The following PEX5L variants were observed in gnomAD, a reference collection of about 807,000 sequenced individuals.
The protein encoded by PEX5L is peroxisomal biogenesis factor 5 like.
In PEX5L, 30 loss-of-function variants were observed where a neutral mutation model predicts 84.0. The observed-to-expected ratio is 0.36, with a 90% CI of 0.27 to 0.48. The LOEUF is 0.48. PEX5L is among the 20% of genes least tolerant of loss of function. The pLI is 0.99. For missense variants in PEX5L, 533 were observed against 754.6 expected, an observed-to-expected ratio of 0.71 and a Z score of 3.44; for synonymous variants, 270 against 283.1, an observed-to-expected ratio of 0.95 and a Z score of 0.46.
chr3:179,875,551 G>GGTGA (rs1198365979), intron 5 of PEX5L, 74 bp from the exon 6 acceptor site: 3 of 995,282 alleles, frequency 3.0e-6, no homozygotes, highest in Non-Finnish European at 4.7e-6. Context: ...CGGGGAGTGG[G>GGTGA]GTGAGGGTGG....
At chr3:179,849,688 A>T (rs1181902299) in intron 8 of PEX5L, among the ~76,000 whole-genome samples, 1 of 152,232 alleles carries the variant, frequency 6.6e-6, no homozygotes, top group African/African-American at 2.4e-5. Flanking sequence ...TGGACATGCC[A>T]ATGGACAAAC....
chr3:179,927,744 C>T lies in PEX5L; in HGVS notation c.94-29498G>A, dbSNP rs570240501. 3.9e-5 allele frequency among the ~76,000 whole-genome samples: 6 copies of T among 152,212 alleles called. No individual in the cohort carries two copies. In the South Asian group the frequency reaches 8.3e-4, roughly 21 times the overall value. Reference sequence around the variant, plus strand: ...CCAAACAAAACCTGCCCTTCACCATCGTTTGTGTAACCTTGCAAGCTAAGT... The same window carrying T: ...CCAAACAAAACCTGCCCTTCACCATTGTTTGTGTAACCTTGCAAGCTAAGT... On this transcript the variant is annotated intron_variant, in intron 2 of 14. Transcript: ENST00000467460.
intron 1 of PEX5L, among the ~76,000 whole-genome samples, chr3:179,997,899 T>C (rs1788041028): frequency 6.6e-6 from 1 of 152,232 alleles, no homozygotes; most frequent in South Asian, 2.1e-4. Flanking sequence ...TTGTCCTACC[T>C]CAGGGGTATA....
At chr3:179,880,732 C>T (rs1384180072) in intron 4 of PEX5L, among the ~76,000 whole-genome samples, 2 of 152,210 alleles carry the variant, frequency 1.3e-5, no homozygotes, top group Admixed American at 6.5e-5. Context: ...ATGTAACTAA[C>T]TATAAAACTG....
At chr3:180,029,123 T>C (rs1791219025) in intron 1 of PEX5L, among the ~76,000 whole-genome samples, 1 of 152,114 alleles carries the variant, frequency 6.6e-6, no homozygotes, top group Admixed American at 6.5e-5. Context: ...AATGCTTGAG[T>C]GCACTGTTTA....
intron 2 of PEX5L, among the ~76,000 whole-genome samples, chr3:179,959,740 A>G (rs1299106985): frequency 6.6e-6 from 1 of 152,166 alleles, no homozygotes; most frequent in Non-Finnish European, 1.5e-5. Flanking sequence ...CTCACCCCGA[A>G]CACTGAGGCT....
Position 179,795,173 on chromosome 3 carries a change from T to C in PEX5L, c.*6655A>G, listed in dbSNP as rs1716439404. The C allele has an allele frequency of 6.6e-6, 1 of 152,192 alleles. No homozygotes were observed. The highest frequency in any genetic ancestry group is 2.4e-5 in the African/African-American group (1 of 41,452). The allele number at this position is 152,192 out of a possible 1,614,324, so 9.4% of individuals were successfully genotyped here. A position where few individuals can be genotyped will look rare whatever the true frequency, so the allele number is the denominator to read the frequency against. On this transcript the variant is annotated 3_prime_UTR_variant, in exon 15 of 15. Transcript: ENST00000467460. ...CCTTTAGCCAGTAGTACAAATTGGA[T>C]TCCATTTGATCAGAAGGAGTTCTGA...
intron 7 of PEX5L, among the ~76,000 whole-genome samples, chr3:179,869,562 T>C (rs1749560024): frequency 6.6e-6 from 1 of 152,130 alleles, no homozygotes; most frequent in African/African-American, 2.4e-5. Context: ...ACGTGCCGGG[T>C]ACTTTGAACT....
chr3:179,871,055 G>GT (rs1252997740), intron 7 of PEX5L, among the ~76,000 whole-genome samples: 1 of 149,930 alleles, frequency 6.7e-6, no homozygotes, highest in Non-Finnish European at 1.5e-5. Flanking sequence ...GCTTGAGAGA[G>GT]AAGAAAACAT....
intron 1 of PEX5L, among the ~76,000 whole-genome samples, chr3:179,995,779 G>C (rs68185071): frequency 0.17 from 25,538 of 152,078 alleles, 2,956 homozygotes; most frequent in African/African-American, 0.33. Context: ...AAGCTCTTAT[G>C]AAGCAAGTGG....
rs58655162 is a variant in PEX5L at position 179,875,521 on chromosome 3, C to T, written c.506-44G>A. On this transcript the variant is annotated intron_variant, in intron 5 of 14. Coordinates refer to ENST00000467460, the MANE Select transcript of PEX5L (RefSeq NM_016559.3). The stretch of plus-strand genomic sequence containing the variant: ...GCAGGTGAGGCAGGTGGCGGCAGGG[C>T]GGGGTAGGGGGAGCGGTGGCGGGGA... The T allele has an allele frequency of 1.1e-3, 814 of 756,368 alleles. 7 individuals are homozygous for T. The African/African-American group carries it at 0.015, about 14-fold the overall frequency. 46.9% of individuals were successfully genotyped at this position (756,368 alleles called of 1,614,324 possible).
intron 7 of PEX5L, among the ~76,000 whole-genome samples, chr3:179,860,114 A>T (rs1040017910): frequency 5.9e-5 from 8 of 135,990 alleles, no homozygotes; most frequent in Admixed American, 4.9e-4. Flanking sequence ...GAGAGTTTCC[A>T]TTTTTGTTTT....
At chr3:179,996,437 C>A (rs1487242715) in intron 1 of PEX5L, among the ~76,000 whole-genome samples, 1 of 152,076 alleles carries the variant, frequency 6.6e-6, no homozygotes, top group East Asian at 1.9e-4. Context: ...GCTTGGTTAG[C>A]TGAAATATGG....
chr3:179,907,486 A>AT (rs1052860668), intron 2 of PEX5L, among the ~76,000 whole-genome samples: 3 of 151,350 alleles, frequency 2.0e-5, no homozygotes, highest in Non-Finnish European at 2.9e-5. Context: ...CTAATTTTTA[A>AT]TTTTTTTGGT....
At chr3:179,843,789 G>T (rs1738191848) in intron 8 of PEX5L, among the ~76,000 whole-genome samples, 1 of 152,158 alleles carries the variant, frequency 6.6e-6, no homozygotes, top group African/African-American at 2.4e-5. Flanking sequence ...GAAGTTATAG[G>T]TACAGATAGT....
chr3:179,950,511 A>G (rs979038680), intron 2 of PEX5L, among the ~76,000 whole-genome samples: 1 of 152,152 alleles, frequency 6.6e-6, no homozygotes, highest in African/African-American at 2.4e-5. Flanking sequence ...TTAAAGTATA[A>G]TAACAAAATT....
intron 8 of PEX5L, among the ~76,000 whole-genome samples, chr3:179,842,481 C>A (rs1460874732): frequency 6.6e-6 from 1 of 152,080 alleles, no homozygotes; most frequent in Non-Finnish European, 1.5e-5. Context: ...CTTCCTGAAT[C>A]TTGGTCCAAT....
chr3:179,877,963 A>G (rs914252140), intron 5 of PEX5L, among the ~76,000 whole-genome samples: 19 of 152,114 alleles, frequency 1.2e-4, no homozygotes, highest in Admixed American at 7.9e-4. Context: ...TTTCTTTACA[A>G]TCTATCCCTG....
chr3:180,035,609 T>C (rs899965218), intron 1 of PEX5L, among the ~76,000 whole-genome samples: 3 of 152,188 alleles, frequency 2.0e-5, no homozygotes, highest in African/African-American at 7.2e-5. Context: ...TATAACAACA[T>C]ATTTATCTAT....
Sources: allele counts gnomAD v4.1 joint callset (sites outside exome capture counted in the v4.1 genomes callset), GRCh38; gene constraint gnomAD v4.1.1; transcripts MANE v1.5; gene names NCBI Gene and HGNC (gene_info 2026-07-23, HGNC 2026-07-21).